TTLL9: variants seen among roughly 807,000 people sequenced by gnomAD.
TTLL9 encodes the protein probable tubulin polyglutamylase TTLL9.
A neutral mutation model predicts 65.6 loss-of-function variants in TTLL9; 47 were observed. The ratio of observed to expected loss-of-function variants is 0.72; its 90% CI spans 0.57 to 0.91. TTLL9 has a LOEUF of 0.91. TTLL9 is among the 40% of genes least tolerant of loss of function. The probability of loss-of-function intolerance (pLI) is 0.00; values close to 1 mark genes in which losing one functional copy is unlikely to be tolerated. For synonymous variants in TTLL9, 179 were observed against 204.8 expected, an observed-to-expected ratio of 0.87 and a Z score of 1.07; for missense variants, 537 against 568.8, an observed-to-expected ratio of 0.94 and a Z score of 0.57.
At chr20:31,915,661 TG>T (rs1261004515) in intron 6 of TTLL9, among the ~76,000 whole-genome samples, 1 of 152,182 alleles carries the variant, frequency 6.6e-6, no homozygotes, top group African/African-American at 2.4e-5. Flanking sequence ...ACCTGTTGGC[TG>T]GGTGACCTTG....
chr20:31,937,060 T>C (rs1274943265), intron 12 of TTLL9, among the ~76,000 whole-genome samples: 1 of 142,816 alleles, frequency 7.0e-6, no homozygotes, highest in Non-Finnish European at 1.5e-5. Flanking sequence ...ATCATGCCAT[T>C]GCACTCCAGC....
intron 6 of TTLL9, among the ~76,000 whole-genome samples, chr20:31,911,909 G>A (rs368403412): frequency 1.3e-5 from 2 of 151,644 alleles, no homozygotes; most frequent in South Asian, 2.1e-4. Context: ...CCCTGTCTCG[G>A]GTGGAGAGTG....
chr20:31,929,936 T>C (rs770220266), intron 10 of TTLL9, among the ~76,000 whole-genome samples: 13 of 152,136 alleles, frequency 8.5e-5, no homozygotes, highest in Admixed American at 2.0e-4. Context: ...GAGACCAGCC[T>C]GACCAATATG....
At chr20:31,933,640 G>T (rs916276131) in intron 10 of TTLL9, among the ~76,000 whole-genome samples, 160 bp from the exon 11 acceptor site, 1 of 152,152 alleles carries the variant, frequency 6.6e-6, no homozygotes. Context: ...GATGCAGGCA[G>T]GATTTGAATC....
intron 7 of TTLL9, 33 bp downstream of exon 7, chr20:31,919,965 C>T: frequency 6.5e-7 from 1 of 1,546,274 alleles, no homozygotes; most frequent in African/African-American, 1.4e-5. Flanking sequence ...CCTCCCTGAA[C>T]CCTCCTCTGA....
At chr20:31,909,365 A>G (rs1169772857) in intron 5 of TTLL9, among the ~76,000 whole-genome samples, 2 of 151,958 alleles carry the variant, frequency 1.3e-5, no homozygotes, top group East Asian at 3.9e-4. Context: ...GATGGTCTCG[A>G]ACTCCTGACC....
intron 3 of TTLL9, among the ~76,000 whole-genome samples, chr20:31,889,240 T>C (rs1375061412): frequency 6.6e-6 from 1 of 152,116 alleles, no homozygotes; most frequent in Non-Finnish European, 1.5e-5. Flanking sequence ...GGTTCAATAA[T>C]GTCAGAGCCA....
intron 6 of TTLL9, among the ~76,000 whole-genome samples, chr20:31,912,603 ATGTG>A (rs61107814): frequency 0.085 from 11,992 of 140,938 alleles, 435 homozygotes; most frequent in African/African-American, 0.095. Context: ...GTGTATGTGT[ATGTG>A]TGTGTGTGTG....
chr20:31,891,118 G>A (rs2063302464), intron 3 of TTLL9, among the ~76,000 whole-genome samples: 1 of 152,142 alleles, frequency 6.6e-6, no homozygotes, highest in Non-Finnish European at 1.5e-5. Context: ...GTGCATATTC[G>A]ACTTTACTAA....
chr20:31,938,379 A>G lies in TTLL9; in HGVS notation c.1119-763A>G, dbSNP rs189493237. On this transcript the variant is annotated intron_variant, in intron 13 of 14. Transcript: ENST00000535842. Reference sequence around the variant, plus strand: ...AAAACCCAAGGTACTCTTGGACTGAAAGAAGGTGAAATGGATGCTGAGCAG... The same window carrying G: ...AAAACCCAAGGTACTCTTGGACTGAGAGAAGGTGAAATGGATGCTGAGCAG... 5.8e-5 allele frequency: 21 copies of G among 359,918 alleles called. No homozygotes were observed. In the Admixed American group the frequency reaches 6.7e-4, roughly 12 times the overall value. The allele number at this position is 359,918 out of a possible 1,614,324, so 22.3% of individuals were successfully genotyped here.
At chr20:31,910,869 T>C (rs982992715) in intron 6 of TTLL9, among the ~76,000 whole-genome samples, 11 of 152,076 alleles carry the variant, frequency 7.2e-5, no homozygotes, top group Admixed American at 2.0e-4. Flanking sequence ...AGGCAGCCTA[T>C]TGGGGCTCAA....
chr20:31,893,779 C>T (rs1392478125), intron 3 of TTLL9, among the ~76,000 whole-genome samples: 1 of 151,554 alleles, frequency 6.6e-6, no homozygotes, highest in African/African-American at 2.4e-5. Context: ...CATCTTGGAT[C>T]TGTGAGTTGA....
At chr20:31,916,343 C>T (rs935361042) in intron 6 of TTLL9, among the ~76,000 whole-genome samples, 2 of 152,216 alleles carry the variant, frequency 1.3e-5, no homozygotes, top group Non-Finnish European at 2.9e-5. Flanking sequence ...TTCTGGAGAA[C>T]ATATGGGACA....
chr20:31,877,874 T>C (rs935603948), intron 2 of TTLL9, among the ~76,000 whole-genome samples: 1 of 152,254 alleles, frequency 6.6e-6, no homozygotes, highest in African/African-American at 2.4e-5. Flanking sequence ...CTTTCTGATA[T>C]TGAGCCTTCC....
Position 31,871,113 on chromosome 20 carries a change from G to A in TTLL9, c.-5-9G>A, listed in dbSNP as rs766892353. On this transcript the variant is annotated splice_polypyrimidine_tract_variant and intron_variant, in intron 1 of 14. Transcript: ENST00000535842. Reference sequence around the variant, plus strand: ...CTCACTCCTTCCTTCCATCCATTTCGGCCCCTAGGAGGGATGGTGCCATCC... The same window carrying A: ...CTCACTCCTTCCTTCCATCCATTTCAGCCCCTAGGAGGGATGGTGCCATCC... 1.9e-6 allele frequency: 3 copies of A among 1,613,212 alleles called. No individual in the cohort carries two copies. Among genetic ancestry groups the A allele is most frequent in the Non-Finnish European group, 2.5e-6 (3 of 1,179,584 alleles).
chr20:31,891,946 G>A (rs935767535), intron 3 of TTLL9, among the ~76,000 whole-genome samples: 34 of 151,976 alleles, frequency 2.2e-4, no homozygotes, highest in Non-Finnish European at 1.0e-4. Flanking sequence ...GGGATTACAG[G>A]CATGCACCAC....
At position 31,931,555 on chromosome 20, in the gene TTLL9, C is replaced by T. The variant is rs191166489; in HGVS notation, c.749-2245C>T. Among the ~76,000 whole-genome samples the T allele has an allele frequency of 5.3e-4, 81 of 152,338 alleles. 1 individual carries two copies. Among genetic ancestry groups the T allele is most frequent in the African/African-American group, 1.7e-3 (71 of 41,590 alleles). ...CCTCCCAAAGTGCTAGGATTACAGG[C>T]GCGGCCACCATGCCTGGCCAATACT... is the stretch of plus-strand genomic sequence containing the variant. On this transcript the variant is annotated intron_variant, in intron 10 of 14. Transcript: ENST00000535842.
At chr20:31,942,355 G>A (rs1302193744) in intron 14 of TTLL9, among the ~76,000 whole-genome samples, 5 of 152,192 alleles carry the variant, frequency 3.3e-5, no homozygotes, top group Non-Finnish European at 7.3e-5. Context: ...GCCTCAGCAC[G>A]AACTGCCTGG....
intron 2 of TTLL9, among the ~76,000 whole-genome samples, chr20:31,875,095 A>G (rs1314461333): frequency 1.3e-5 from 2 of 152,200 alleles, no homozygotes; most frequent in Non-Finnish European, 1.5e-5. Context: ...TACACTCACC[A>G]ACACCTTTAG....
Sources: allele counts gnomAD v4.1 joint callset (sites outside exome capture counted in the v4.1 genomes callset), GRCh38; gene constraint gnomAD v4.1.1; transcripts MANE v1.5; gene names NCBI Gene and HGNC (gene_info 2026-07-23, HGNC 2026-07-21).